Variants in CHODL observed in about 807,000 individuals in gnomAD.
The protein encoded by CHODL is transmembrane protein MT75.
Under a neutral mutation model 34.5 loss-of-function variants are expected in CHODL, and 29 were observed. That is an observed-to-expected ratio of 0.84 (90% confidence interval 0.63 to 1.15). The LOEUF (loss-of-function observed/expected upper bound fraction) is 1.15. Among genes scored for constraint, CHODL ranks in the 50% most tolerant of loss-of-function variants. CHODL has a pLI of 0.00. For synonymous variants in CHODL, 125 were observed against 116.1 expected (o/e 1.08, Z -0.49); for missense variants, 332 against 332.5 (o/e 1.00, Z 0.01).
intron 5 of CHODL, among the ~76,000 whole-genome samples, chr21:18,265,506 CT>C (rs1052858195): frequency 2.6e-5 from 4 of 151,764 alleles, no homozygotes; most frequent in African/African-American, 9.7e-5. Context: ...ACACAGTGGA[CT>C]TTGGGGACTC....
chr21:18,228,829 A>G (rs1006218400), intron 2 of CHODL, among the ~76,000 whole-genome samples: 1 of 152,178 alleles, frequency 6.6e-6, no homozygotes, highest in Non-Finnish European at 1.5e-5. Context: ...ATAGTGGAAT[A>G]ATAATTAAAT....
At chr21:18,070,576 T>G (rs2064791467) in intron 2 of CHODL, among the ~76,000 whole-genome samples, 1 of 152,198 alleles carries the variant, frequency 6.6e-6, no homozygotes, top group Admixed American at 6.5e-5. Context: ...TTAATTACAC[T>G]GGGCAATAAA....
intron 2 of CHODL, among the ~76,000 whole-genome samples, chr21:18,208,511 G>A (rs547627041): frequency 1.1e-4 from 17 of 151,840 alleles, no homozygotes; most frequent in Non-Finnish European, 2.1e-4. Flanking sequence ...GTTTGGTGAG[G>A]TCATGTTTTC....
At chr21:18,211,879 T>G (rs1309910129) in intron 2 of CHODL, among the ~76,000 whole-genome samples, 1 of 152,244 alleles carries the variant, frequency 6.6e-6, no homozygotes, top group Non-Finnish European at 1.5e-5. Context: ...ACCATAAATT[T>G]ATTCATTTGA....
chr21:17,929,914 A>G (rs2063258132), intron 1 of CHODL, among the ~76,000 whole-genome samples: 1 of 152,128 alleles, frequency 6.6e-6, no homozygotes, highest in Admixed American at 6.5e-5. Flanking sequence ...GAGCAAGCAC[A>G]TTGAGCACCC....
chr21:18,190,631 A>G (rs1568930066), intron 2 of CHODL, among the ~76,000 whole-genome samples: 1 of 152,212 alleles, frequency 6.6e-6, no homozygotes, highest in Non-Finnish European at 1.5e-5. Context: ...GAACCCACTA[A>G]TGGTAGTGTG....
Position 18,161,423 on chromosome 21 carries a change from A to T in CHODL, c.-44-95086A>T, listed in dbSNP as rs79801812. ...ATATTTGATTTCCAATTAAGTTGTAATCATGCCTACAATGCTTTCCAGCTT... is the reference window on the plus strand; with the variant it reads ...ATATTTGATTTCCAATTAAGTTGTATTCATGCCTACAATGCTTTCCAGCTT... On this transcript the variant is annotated intron_variant, in intron 2 of 6. Coordinates refer to the CHODL transcript ENST00000400127. Among the ~76,000 whole-genome samples, 417 of 152,238 alleles carry T rather than the reference A, an allele frequency of 2.7e-3. 3 individuals carry two copies. Among genetic ancestry groups the T allele is most frequent in the African/African-American group, 9.7e-3 (401 of 41,544 alleles).
At chr21:17,937,357 A>G (rs1487563553) in intron 1 of CHODL, among the ~76,000 whole-genome samples, 1 of 152,174 alleles carries the variant, frequency 6.6e-6, no homozygotes, top group East Asian at 1.9e-4. Flanking sequence ...GTTAGACTGT[A>G]TGAATTCATA....
chr21:18,167,371 G>A (rs1194599523), intron 2 of CHODL, among the ~76,000 whole-genome samples: 6 of 145,388 alleles, frequency 4.1e-5, no homozygotes, highest in African/African-American at 1.3e-4. Context: ...GTGCAGTGGT[G>A]TGATCTCAGC....
intron 2 of CHODL, among the ~76,000 whole-genome samples, chr21:18,106,080 G>T (rs1601010195): frequency 6.6e-6 from 1 of 152,196 alleles, no homozygotes; most frequent in East Asian, 1.9e-4. Context: ...GATTGGTCCA[G>T]TTGGGGTCTT....
In CHODL at chr21:18,249,099, AT is replaced by A. The variant is rs1378258497; in HGVS notation, c.79+3798del. Among the ~76,000 whole-genome samples, 375 of 126,794 alleles carry A rather than the reference AT, an allele frequency of 3.0e-3. 3 individuals are homozygous for A. Among genetic ancestry groups the A allele is most frequent in the African/African-American group, 0.011 (360 of 31,632 alleles). 83.2% of individuals were successfully genotyped at this position (126,794 alleles called of 152,430 possible). ...AATATATATATAATAAAATATATAT[AT>A]ATAATAATATATATATAATAAAATA... On this transcript the variant is annotated intron_variant, in intron 1 of 5. Coordinates refer to ENST00000299295, the MANE Select transcript of CHODL (RefSeq NM_024944.3).
chr21:18,145,568 G>GTTATAT (rs1310397376), intron 2 of CHODL, among the ~76,000 whole-genome samples: 2 of 152,074 alleles, frequency 1.3e-5, no homozygotes, highest in Non-Finnish European at 2.9e-5. Flanking sequence ...GCATAGAATG[G>GTTATAT]AGGGTGGGCT....
chr21:18,040,297 CTG>C (rs939335535), intron 2 of CHODL, among the ~76,000 whole-genome samples: 3 of 151,782 alleles, frequency 2.0e-5, no homozygotes, highest in African/African-American at 7.2e-5. Context: ...TCCCTTCACT[CTG>C]TATTATCTTT....
chr21:18,227,503 T>C (rs537418558), intron 2 of CHODL, among the ~76,000 whole-genome samples: 15 of 152,286 alleles, frequency 9.8e-5, no homozygotes, highest in African/African-American at 3.1e-4. Context: ...GTAATACTCA[T>C]ATGAAGAAGA....
At chr21:18,156,514 G>A (rs552545933) in intron 2 of CHODL, among the ~76,000 whole-genome samples, 46 of 152,080 alleles carry the variant, frequency 3.0e-4, no homozygotes, top group African/African-American at 1.0e-3. Context: ...AAAAATGATC[G>A]TTCATATAAC....
chr21:18,128,152 T>A (rs1349264804), intron 2 of CHODL, among the ~76,000 whole-genome samples: 6 of 150,062 alleles, frequency 4.0e-5, no homozygotes, highest in African/African-American at 1.5e-4. Context: ...TACAAAAAAA[T>A]TAGCTGGGCG....
At chr21:18,011,197 T>A (rs1380224176) in intron 1 of CHODL, among the ~76,000 whole-genome samples, 1 of 152,228 alleles carries the variant, frequency 6.6e-6, no homozygotes, top group East Asian at 1.9e-4. Flanking sequence ...TATTTAATGT[T>A]TGTATTAAAT....
chr21:18,161,867 C>T (rs1402748426), intron 2 of CHODL, among the ~76,000 whole-genome samples: 1 of 152,194 alleles, frequency 6.6e-6, no homozygotes, highest in Non-Finnish European at 1.5e-5. Context: ...TGTTCGTTCA[C>T]TGGTAAATAT....
At chr21:17,952,204 A>AAAAAG (rs1407772567) in intron 1 of CHODL, among the ~76,000 whole-genome samples, 4 of 151,100 alleles carry the variant, frequency 2.6e-5, no homozygotes, top group Admixed American at 2.6e-4. Context: ...CAAAAAAAAA[A>AAAAAG]AAAAAAAAAA....
Sources: allele counts gnomAD v4.1 joint callset (sites outside exome capture counted in the v4.1 genomes callset), GRCh38; gene constraint gnomAD v4.1.1; transcripts MANE v1.5; gene names NCBI Gene and HGNC (gene_info 2026-07-23, HGNC 2026-07-21).